The following PPP1R9A variants were observed in gnomAD, a reference collection of about 807,000 sequenced individuals.
The protein encoded by PPP1R9A is neurabin-1.
In PPP1R9A, 59 loss-of-function variants were observed where a neutral mutation model predicts 141.9. The ratio of observed to expected loss-of-function variants is 0.42; its 90% CI spans 0.34 to 0.52. The LOEUF (loss-of-function observed/expected upper bound fraction) is 0.52, where lower values mean the gene tolerates loss of function less well. PPP1R9A is among the 20% of genes least tolerant of loss of function. The probability of loss-of-function intolerance (pLI) is 0.10; values close to 1 mark genes in which losing one functional copy is unlikely to be tolerated. For synonymous variants in PPP1R9A, 500 were observed against 569.7 expected (o/e 0.88, Z 1.74); for missense variants, 1,444 against 1,611.9 (o/e 0.90, Z 1.78).
In PPP1R9A at chr7:95,268,732, A is replaced by G. The variant is rs369679873; in HGVS notation, c.2823+25A>G. ...GGTGAGCACCCTTGACCGTTTCCTG[A>G]TTTGTACTGTTGGAGTATATCATTG... On this transcript the variant is annotated intron_variant, in intron 13 of 19. Coordinates refer to ENST00000433360, the MANE Select transcript of PPP1R9A (RefSeq NM_001166160.2). The G allele has an allele frequency of 6.8e-6, 11 of 1,607,732 alleles. No homozygotes were observed. The Middle Eastern group carries it at 5.0e-4, about 73-fold the overall frequency.
rs75322860 is a variant in PPP1R9A at position 95,013,514 on chromosome 7, G to T, written c.1396-97745G>T. Among the ~76,000 whole-genome samples the T allele has an allele frequency of 2.4e-3, 366 of 152,190 alleles. 17 individuals are homozygous for T. The East Asian group carries it at 0.056, about 23-fold the overall frequency. On this transcript the variant is annotated intron_variant, in intron 2 of 19. Coordinates refer to ENST00000433360, the MANE Select transcript of PPP1R9A (RefSeq NM_001166160.2). ...ATCCAAATGTTTAAGAACTAAACCA[G>T]AGTAAGATGATATACAAGTAATAGA...
chr7:95,045,912 ATAGT>A (rs1563162422), intron 2 of PPP1R9A, among the ~76,000 whole-genome samples: 1 of 152,246 alleles, frequency 6.6e-6, no homozygotes, highest in Non-Finnish European at 1.5e-5. Flanking sequence ...GCAACAGAAA[ATAGT>A]TAATTATAAT....
chr7:95,279,961 C>T (rs1031476539), intron 16 of PPP1R9A, among the ~76,000 whole-genome samples: 1 of 152,152 alleles, frequency 6.6e-6, no homozygotes, highest in African/African-American at 2.4e-5. Context: ...AATAGTTTCA[C>T]CATCTCGAAT....
chr7:95,251,327 CT>C (rs1248505307), intron 10 of PPP1R9A, among the ~76,000 whole-genome samples: 2 of 152,158 alleles, frequency 1.3e-5, no homozygotes, highest in Non-Finnish European at 2.9e-5. Context: ...ACCCAGCCCC[CT>C]CTTCACTGTT....
chr7:95,074,981 A>G (rs1460199889), intron 2 of PPP1R9A, among the ~76,000 whole-genome samples: 1 of 151,832 alleles, frequency 6.6e-6, no homozygotes, highest in East Asian at 1.9e-4. Flanking sequence ...AGACATTTGT[A>G]TTTTTTTCTC....
chr7:94,915,455 C>T (rs986052367), intron 2 of PPP1R9A, among the ~76,000 whole-genome samples: 1 of 152,124 alleles, frequency 6.6e-6, no homozygotes, highest in African/African-American at 2.4e-5. Context: ...CATCAAGATT[C>T]TGATTCAGTA....
intron 2 of PPP1R9A, among the ~76,000 whole-genome samples, chr7:94,913,115 C>CG (rs1791654188): frequency 1.3e-5 from 2 of 152,134 alleles, no homozygotes; most frequent in South Asian, 4.1e-4. Flanking sequence ...CAGTGACTAA[C>CG]TTTTTAATAC....
At chr7:95,125,522 C>T (rs1454767648) in intron 4 of PPP1R9A, among the ~76,000 whole-genome samples, 1 of 152,026 alleles carries the variant, frequency 6.6e-6, no homozygotes, top group Non-Finnish European at 1.5e-5. Flanking sequence ...TTTTCCAGTC[C>T]TCATTCATGA....
intron 4 of PPP1R9A, among the ~76,000 whole-genome samples, chr7:95,122,929 G>A (rs1418847051): frequency 6.6e-6 from 1 of 151,812 alleles, no homozygotes; most frequent in African/African-American, 2.4e-5. Context: ...TAATGCTACA[G>A]TTAGTATTCA....
chr7:94,952,892 TC>T (rs1226456427), intron 2 of PPP1R9A, among the ~76,000 whole-genome samples: 1 of 152,206 alleles, frequency 6.6e-6, no homozygotes, highest in African/African-American at 2.4e-5. Context: ...AAAAATTTTC[TC>T]CCATTCTGTA....
At chr7:95,028,496 G>A (rs1326835116) in intron 2 of PPP1R9A, among the ~76,000 whole-genome samples, 1 of 152,014 alleles carries the variant, frequency 6.6e-6, no homozygotes, top group Non-Finnish European at 1.5e-5. Flanking sequence ...TTAATATATT[G>A]TTCATGTAAT....
At chr7:95,022,633 C>T (rs1431581917) in intron 2 of PPP1R9A, among the ~76,000 whole-genome samples, 1 of 151,942 alleles carries the variant, frequency 6.6e-6, no homozygotes, top group African/African-American at 2.4e-5. Flanking sequence ...AATAGCTGGT[C>T]TTATTTTGAG....
At chr7:94,971,967 A>G (rs1219722152) in intron 2 of PPP1R9A, among the ~76,000 whole-genome samples, 1 of 152,154 alleles carries the variant, frequency 6.6e-6, no homozygotes, top group Non-Finnish European at 1.5e-5. Flanking sequence ...CATCATTACA[A>G]ACTCTCCTTA....
intron 5 of PPP1R9A, among the ~76,000 whole-genome samples, chr7:95,166,699 G>T (rs1831319106): frequency 6.6e-6 from 1 of 152,108 alleles, no homozygotes; most frequent in Non-Finnish European, 1.5e-5. Context: ...AAGGAGATAA[G>T]GACAGAACCA....
intron 2 of PPP1R9A, among the ~76,000 whole-genome samples, chr7:94,986,832 G>C (rs893315864): frequency 6.6e-6 from 1 of 152,354 alleles, no homozygotes; most frequent in Admixed American, 6.5e-5. Flanking sequence ...AGCTGCTGCT[G>C]CTTCTAGTTT....
chr7:95,177,120 AG>A (rs1266364547), intron 5 of PPP1R9A, among the ~76,000 whole-genome samples: 1 of 152,180 alleles, frequency 6.6e-6, no homozygotes, highest in Non-Finnish European at 1.5e-5. Flanking sequence ...GTGAGACAAA[AG>A]TACCAGGTAA....
At chr7:95,076,273 C>T (rs532275617) in intron 2 of PPP1R9A, among the ~76,000 whole-genome samples, 1 of 152,282 alleles carries the variant, frequency 6.6e-6, no homozygotes, top group East Asian at 1.9e-4. Context: ...AGTTCTTAGT[C>T]TAAAGTGGCA....
intron 4 of PPP1R9A, among the ~76,000 whole-genome samples, chr7:95,129,307 G>T (rs1285345491): frequency 1.3e-5 from 2 of 152,106 alleles, no homozygotes; most frequent in African/African-American, 4.8e-5. Context: ...GATAGTGAAT[G>T]AACCTCATGA....
intron 9 of PPP1R9A, among the ~76,000 whole-genome samples, chr7:95,249,793 A>G (rs1798621783): frequency 6.6e-6 from 1 of 152,146 alleles, no homozygotes; most frequent in Admixed American, 6.6e-5. Flanking sequence ...GTGGAATCCA[A>G]TCCATGTTTT....
Sources: gnomAD v4.1 joint callset for allele counts (sites outside exome capture counted in the v4.1 genomes callset) on GRCh38, gnomAD v4.1.1 for gene constraint, MANE v1.5 for transcripts, NCBI Gene and HGNC (gene_info 2026-07-23, HGNC 2026-07-21) for gene names.